HS3ST5: variants seen among roughly 807,000 people sequenced by gnomAD.
HS3ST5 encodes the protein heparan sulfate glucosamine 3-O-sulfotransferase 5.
Under a neutral mutation model 25.4 loss-of-function variants are expected in HS3ST5, and 10 were observed. The observed-to-expected ratio is 0.39, with a 90% CI of 0.24 to 0.67. The LOEUF (loss-of-function observed/expected upper bound fraction) is 0.67. Ranked by LOEUF, HS3ST5 falls within the 30% of genes least tolerant of loss-of-function variation. HS3ST5 has a pLI of 0.44. For missense variants in HS3ST5, 324 were observed against 420.7 expected (o/e 0.77, Z 2.01); for synonymous variants, 170 against 162.4 (o/e 1.05, Z -0.36).
intron 2 of HS3ST5, among the ~76,000 whole-genome samples, chr6:114,225,382 T>A (rs1782245384): frequency 6.6e-6 from 1 of 151,844 alleles, no homozygotes; most frequent in South Asian, 2.1e-4. Flanking sequence ...ACCATCCTTT[T>A]ATAGTGCTCT....
At chr6:114,285,568 C>A (rs1024700199) in intron 1 of HS3ST5, among the ~76,000 whole-genome samples, 2 of 151,890 alleles carry the variant, frequency 1.3e-5, no homozygotes, top group Non-Finnish European at 2.9e-5. Context: ...GTGAAATTAG[C>A]CAATCACAGA....
At chr6:114,101,013 C>T (rs1434689789) in intron 3 of HS3ST5, among the ~76,000 whole-genome samples, 1 of 152,194 alleles carries the variant, frequency 6.6e-6, no homozygotes, top group Non-Finnish European at 1.5e-5. Flanking sequence ...AGTGTTTTCT[C>T]TAACTTTTGG....
At chr6:114,287,010 T>C (rs549060870) in intron 1 of HS3ST5, among the ~76,000 whole-genome samples, 17 of 151,936 alleles carry the variant, frequency 1.1e-4, no homozygotes, top group Non-Finnish European at 2.5e-4. Flanking sequence ...TAAAGATAAC[T>C]GAAGTTGTGC....
intron 2 of HS3ST5, among the ~76,000 whole-genome samples, chr6:114,218,805 A>C (rs572074885): frequency 1.3e-5 from 2 of 152,292 alleles, no homozygotes; most frequent in South Asian, 4.1e-4. Context: ...CATGAATAAA[A>C]CTTTTTAAAT....
At chr6:114,272,075 A>G (rs1432838752) in intron 1 of HS3ST5, among the ~76,000 whole-genome samples, 1 of 152,120 alleles carries the variant, frequency 6.6e-6, no homozygotes, top group African/African-American at 2.4e-5. Flanking sequence ...AATTTTTTGA[A>G]CATATTTATC....
chr6:114,198,280 T>C (rs1780856823), intron 2 of HS3ST5, among the ~76,000 whole-genome samples: 1 of 152,196 alleles, frequency 6.6e-6, no homozygotes, highest in South Asian at 2.1e-4. Flanking sequence ...CTTTGAGATA[T>C]ATGGGATTAT....
intron 1 of HS3ST5, among the ~76,000 whole-genome samples, chr6:114,243,623 T>G (rs1193730759): frequency 1.3e-5 from 2 of 152,130 alleles, no homozygotes; most frequent in African/African-American, 4.8e-5. Context: ...AGATTTTGTT[T>G]TTGTTGTTGT....
chr6:114,201,455 C>T (rs1231474638), intron 2 of HS3ST5, among the ~76,000 whole-genome samples: 1 of 152,138 alleles, frequency 6.6e-6, no homozygotes, highest in Admixed American at 6.5e-5. Flanking sequence ...CTTGTCCTGC[C>T]ATCTTTAGAA....
chr6:114,263,952 G>GCATAAAT (rs1562257284), intron 1 of HS3ST5, among the ~76,000 whole-genome samples: 1 of 151,714 alleles, frequency 6.6e-6, no homozygotes, highest in Non-Finnish European at 1.5e-5. Flanking sequence ...ATCACATAAA[G>GCATAAAT]CATAAAGAAC....
intron 1 of HS3ST5, among the ~76,000 whole-genome samples, chr6:114,275,219 T>C (rs1234966766): frequency 6.6e-6 from 1 of 152,024 alleles, no homozygotes; most frequent in Admixed American, 6.6e-5. Context: ...GTCAGAGTCA[T>C]CTTCATGCTC....
chr6:114,104,255 A>C (rs1257962175), intron 3 of HS3ST5, among the ~76,000 whole-genome samples: 1 of 152,184 alleles, frequency 6.6e-6, no homozygotes, highest in Non-Finnish European at 1.5e-5. Flanking sequence ...TCAGATATCC[A>C]GCAAGTAGAC....
intron 2 of HS3ST5, among the ~76,000 whole-genome samples, chr6:114,211,406 G>T (rs1399044918): frequency 1.3e-5 from 2 of 152,052 alleles, no homozygotes; most frequent in Admixed American, 1.3e-4. Context: ...TCAGTTTCAT[G>T]ACATCTGTAA....
chr6:114,093,050 CAT>C (rs754816934), intron 3 of HS3ST5, among the ~76,000 whole-genome samples: 1 of 152,118 alleles, frequency 6.6e-6, no homozygotes, highest in Non-Finnish European at 1.5e-5. Context: ...GAATGATCCA[CAT>C]GTTACAGATT....
At chr6:114,340,012 C>G (rs886623718) in intron 1 of HS3ST5, among the ~76,000 whole-genome samples, 1 of 152,200 alleles carries the variant, frequency 6.6e-6, no homozygotes, top group Non-Finnish European at 1.5e-5. Flanking sequence ...CCCAGCTCAA[C>G]TTTGCATATT....
At position 114,224,933 on chromosome 6, in the gene HS3ST5, A is replaced by G. The variant is rs1782222708; in HGVS notation, c.-145+3652T>C. ...GGCTGGATAGATAATAGTTGCTTCAAGAAGGGCTCTAATAGTTGCTAATGG... is the reference window on the plus strand; with the variant it reads ...GGCTGGATAGATAATAGTTGCTTCAGGAAGGGCTCTAATAGTTGCTAATGG... On this transcript the variant is annotated intron_variant, in intron 2 of 4. Transcript: ENST00000312719. Among the ~76,000 whole-genome samples, 4 of 151,716 alleles carry G rather than the reference A, an allele frequency of 2.6e-5. No homozygotes were observed. The South Asian group carries it at 8.3e-4, about 31-fold the overall frequency.
chr6:114,233,187 C>A (rs1199868911), intron 1 of HS3ST5, among the ~76,000 whole-genome samples: 1 of 151,918 alleles, frequency 6.6e-6, no homozygotes, highest in African/African-American at 2.4e-5. Context: ...CATGAAGCAC[C>A]TTGTGTTAAA....
intron 1 of HS3ST5, among the ~76,000 whole-genome samples, chr6:114,254,792 G>A (rs998196305): frequency 2.6e-5 from 4 of 152,094 alleles, no homozygotes; most frequent in African/African-American, 9.7e-5. Context: ...ACTACCACGA[G>A]AACAGTATGA....
intron 2 of HS3ST5, among the ~76,000 whole-genome samples, chr6:114,208,034 G>A (rs752184609): frequency 1.3e-5 from 2 of 152,134 alleles, no homozygotes; most frequent in Non-Finnish European, 2.9e-5. Flanking sequence ...CAAAAGTAGG[G>A]ATCACTAAAT....
chr6:114,200,384 A>G (rs1780957062), intron 2 of HS3ST5, among the ~76,000 whole-genome samples: 1 of 152,236 alleles, frequency 6.6e-6, no homozygotes, highest in Non-Finnish European at 1.5e-5. Context: ...AAACATGTAT[A>G]TAATGGGTTT....
Sources: allele counts gnomAD v4.1 joint callset (sites outside exome capture counted in the v4.1 genomes callset), GRCh38; gene constraint gnomAD v4.1.1; transcripts MANE v1.5; gene names NCBI Gene and HGNC (gene_info 2026-07-23, HGNC 2026-07-21).